SPIRE1: variants seen among roughly 807,000 people sequenced by gnomAD.
SPIRE1 encodes spire type actin nucleation factor 1.
Under a neutral mutation model 94.1 loss-of-function variants are expected in SPIRE1, and 40 were observed. The observed-to-expected ratio is 0.43, with a 90% CI of 0.33 to 0.55. The LOEUF (loss-of-function observed/expected upper bound fraction) is 0.55, where lower values mean the gene tolerates loss of function less well. Ranked by LOEUF, SPIRE1 falls within the 20% of genes least tolerant of loss-of-function variation. The pLI, the probability that SPIRE1 is intolerant of heterozygous loss-of-function variation, is 0.06. For missense variants in SPIRE1, 838 were observed against 975.2 expected, an observed-to-expected ratio of 0.86 and a Z score of 1.87; for synonymous variants, 376 against 371.7, an observed-to-expected ratio of 1.01 and a Z score of -0.13.
intron 10 of SPIRE1, among the ~76,000 whole-genome samples, chr18:12,471,669 T>C (rs947924021): frequency 2.0e-5 from 3 of 152,232 alleles, no homozygotes; most frequent in African/African-American, 7.2e-5. Context: ...GTGAGAATAC[T>C]AGCAAGTTCA....
chr18:12,657,845 C>G lies in SPIRE1; in HGVS notation c.22G>C (p.Ala8Pro). Residue 8 changes from alanine (A) to proline (P), a missense_variant, in exon 1 of 17, where the codon GCG becomes CCG. Physicochemically the swap from Ala to Pro is conservative, Grantham distance 27 (BLOSUM62 -1). Coordinates refer to ENST00000409402, the MANE Select transcript of SPIRE1 (RefSeq NM_001128626.2). MAQAAGP[A>P]GGGEPRTEAV... is the part of the protein sequence containing the mutation. ...TCAGTCCGCGGCTCCCCGCCGCCCG[C>G]CGGGCCAGCCGCCTGAGCCATCCCG... 1 of 1,113,558 alleles carries G rather than the reference C, an allele frequency of 9.0e-7. No homozygotes were observed. The highest frequency in any genetic ancestry group is 4.1e-5 in the South Asian group (1 of 24,498). 69.0% of individuals were successfully genotyped at this position (1,113,558 alleles called of 1,614,324 possible).
chr18:12,661,641 G>A (rs972560646), upstream of SPIRE1, among the ~76,000 whole-genome samples: 1 of 151,984 alleles, frequency 6.6e-6, no homozygotes, highest in African/African-American at 2.4e-5. Context: ...CAGGCATGGT[G>A]ATGCATGCCT....
chr18:12,531,625 C>T (rs2034684093), intron 4 of SPIRE1, among the ~76,000 whole-genome samples: 1 of 152,066 alleles, frequency 6.6e-6, no homozygotes, highest in Non-Finnish European at 1.5e-5. Context: ...CAAAGAGTCA[C>T]AGGATTGTTA....
intron 2 of SPIRE1, among the ~76,000 whole-genome samples, chr18:12,600,919 AC>A (rs2036816588): frequency 6.6e-6 from 1 of 152,070 alleles, no homozygotes; most frequent in African/African-American, 2.4e-5. Context: ...ATGAGGTCTC[AC>A]TATATTGCCC....
chr18:12,640,068 A>C (rs2038044453), intron 1 of SPIRE1, among the ~76,000 whole-genome samples: 1 of 152,200 alleles, frequency 6.6e-6, no homozygotes, highest in Admixed American at 6.5e-5. Flanking sequence ...ATTGATAATC[A>C]GATCATTTCA....
At chr18:12,558,886 A>G (rs893299576) in intron 2 of SPIRE1, among the ~76,000 whole-genome samples, 1 of 152,032 alleles carries the variant, frequency 6.6e-6, no homozygotes, top group Non-Finnish European at 1.5e-5. Flanking sequence ...CCCGAGCTAG[A>G]CACAGAGTGC....
At chr18:12,655,127 TG>T (rs1054085775) in intron 1 of SPIRE1, among the ~76,000 whole-genome samples, 5 of 151,408 alleles carry the variant, frequency 3.3e-5, no homozygotes, top group Non-Finnish European at 5.9e-5. Flanking sequence ...CCAAGGCAGT[TG>T]GATCACTTAA....
chr18:12,571,453 C>T (rs2035959362), intron 2 of SPIRE1, among the ~76,000 whole-genome samples: 1 of 152,080 alleles, frequency 6.6e-6, no homozygotes, highest in Non-Finnish European at 1.5e-5. Context: ...CATTATCATG[C>T]CCAGACCAAA....
At position 12,519,186 on chromosome 18, in the gene SPIRE1, C is replaced by G. The variant is rs2034287272; in HGVS notation, c.730-6655G>C. Among the ~76,000 whole-genome samples the G allele has an allele frequency of 2.0e-5, 3 of 152,138 alleles. No homozygotes were observed. In the South Asian group the frequency reaches 6.2e-4, roughly 32 times the overall value. ...AAATGTTAAACTATAAATTGATATT[C>G]TGTACTACTTAATTCGAATTTATAT... On this transcript the variant is annotated intron_variant, in intron 4 of 16. Transcript: ENST00000409402.
chr18:12,662,059 C>A, upstream of SPIRE1: 1 of 364,364 alleles, frequency 2.7e-6, no homozygotes, highest in Non-Finnish European at 5.4e-6. Context: ...ATGCTTCATA[C>A]TCTGGAGGTA....
At chr18:12,613,471 T>C (rs1369030715) in intron 2 of SPIRE1, among the ~76,000 whole-genome samples, 2 of 152,252 alleles carry the variant, frequency 1.3e-5, no homozygotes, top group East Asian at 3.8e-4. Context: ...TTCTTCTCTC[T>C]GCTCCTTTAG....
chr18:12,582,306 T>A, intron 2 of SPIRE1, among the ~76,000 whole-genome samples: 1 of 152,176 alleles, frequency 6.6e-6, no homozygotes, highest in East Asian at 1.9e-4. Context: ...CTGTCTCTTG[T>A]AGAGCAGATG....
At chr18:12,519,354 AC>A (rs2034293781) in intron 4 of SPIRE1, among the ~76,000 whole-genome samples, 1 of 152,030 alleles carries the variant, frequency 6.6e-6, no homozygotes, top group African/African-American at 2.4e-5. Context: ...GCACACACGC[AC>A]GCACACACAC....
chr18:12,655,606 C>T (rs910098231), intron 1 of SPIRE1, among the ~76,000 whole-genome samples: 4 of 151,980 alleles, frequency 2.6e-5, no homozygotes, highest in African/African-American at 9.7e-5. Flanking sequence ...CTATTTTCTC[C>T]ATAAAGGCAG....
rs1020011784 is a variant in SPIRE1, at chr18:12,559,718, G to C, written c.373-12814C>G. 1.3e-5 allele frequency among the ~76,000 whole-genome samples: 2 copies of C among 152,172 alleles called. No individual in the cohort carries two copies. The highest frequency in any genetic ancestry group is 4.8e-5 in the African/African-American group (2 of 41,436). On this transcript the variant is annotated intron_variant, in intron 2 of 16. Coordinates refer to ENST00000409402, the MANE Select transcript of SPIRE1 (RefSeq NM_001128626.2). This position sits in a 1 kb window ranked among gnomAD's most constrained non-coding sequence, Gnocchi z 4.7. ...AAGATTTCTTGAGTAATAACCCACA[G>C]GCACAGGGAACCAAAGCAAAAATTG...
In SPIRE1 at chr18:12,449,595, G is replaced by A. The variant is rs189636419; in HGVS notation, c.*43C>T. On this transcript the variant is annotated 3_prime_UTR_variant, in exon 17 of 17. Transcript: ENST00000409402. ...AGCCCGGCTCAGTGTCCTCGCGCAC[G>A]GACGCTGACTCGTAGCACAAAAGCA... The A allele has an allele frequency of 1.5e-4, 242 of 1,592,432 alleles. 1 individual carries two copies. Among genetic ancestry groups the A allele is most frequent in the Admixed American group, 1.1e-3 (62 of 58,042 alleles).
At position 12,549,440 on chromosome 18, in the gene SPIRE1, T is replaced by TTTTTG. The variant is rs2035278116; in HGVS notation, c.373-2537_373-2536insCAAAA. 1.2e-4 allele frequency among the ~76,000 whole-genome samples: 4 copies of TTTTTG among 32,300 alleles called. 1 individual carries two copies. The highest frequency in any genetic ancestry group is 6.7e-4 in the African/African-American group (4 of 6,004). The allele number at this position is 32,300 out of a possible 152,430, so 21.2% of individuals were successfully genotyped here. ...TTTTTGTTTGTTTTTGTTATTGTTG[T>TTTTTG]TTTTTTTTTTTTTTTTTTTTTTTTT... On this transcript the variant is annotated intron_variant, in intron 2 of 16. Transcript: ENST00000409402.
intron 9 of SPIRE1, 46 bp downstream of exon 9, chr18:12,485,913 A>G: frequency 7.0e-7 from 1 of 1,418,830 alleles, no homozygotes; most frequent in Non-Finnish European, 9.7e-7. Context: ...TTTCACAGAA[A>G]CCACAAAACC....
chr18:12,520,123 T>C (rs1244697825), intron 4 of SPIRE1, among the ~76,000 whole-genome samples: 1 of 152,146 alleles, frequency 6.6e-6, no homozygotes, highest in Non-Finnish European at 1.5e-5. Context: ...TTTACTGATA[T>C]GAAATGATCT....
Sources: gnomAD v4.1 joint callset for allele counts (sites outside exome capture counted in the v4.1 genomes callset) on GRCh38, gnomAD v4.1.1 for gene constraint, Gnocchi (gnomAD v3.1) non-coding constraint, MANE v1.5 for transcripts, NCBI Gene and HGNC (gene_info 2026-07-23, HGNC 2026-07-21) for gene names.